The following SNX13 variants were observed in gnomAD, a reference collection of about 807,000 sequenced individuals.
The protein encoded by SNX13 is sorting nexin-13.
Under a neutral mutation model 133.6 loss-of-function variants are expected in SNX13, and 45 were observed. That is an observed-to-expected ratio of 0.34 (90% confidence interval 0.27 to 0.43). SNX13 has a LOEUF of 0.43. Among genes scored for constraint, SNX13 ranks in the 20% least tolerant of loss-of-function variants. The probability of loss-of-function intolerance (pLI) is 1.00; values close to 1 mark genes in which losing one functional copy is unlikely to be tolerated. For synonymous variants in SNX13, 414 were observed against 373.9 expected, an observed-to-expected ratio of 1.11 and a Z score of -1.24; for missense variants, 1,032 against 1,145.1, an observed-to-expected ratio of 0.90 and a Z score of 1.43.
intron 1 of SNX13, among the ~76,000 whole-genome samples, chr7:17,939,551 A>G (rs1490430153): frequency 2.0e-5 from 3 of 152,236 alleles, no homozygotes; most frequent in African/African-American, 4.8e-5. Flanking sequence ...AATGCCCATT[A>G]GGCACTAGAA....
intron 11 of SNX13, among the ~76,000 whole-genome samples, chr7:17,847,345 T>G (rs182718051): frequency 2.0e-4 from 31 of 152,214 alleles, no homozygotes; most frequent in African/African-American, 4.3e-4. Flanking sequence ...TTGTTTGTTT[T>G]TTTGAGACGG....
chr7:17,833,926 T>G, intron 15 of SNX13, 126 bp downstream of exon 15: 1 of 629,012 alleles, frequency 1.6e-6, no homozygotes. Flanking sequence ...ATTTGTAGAT[T>G]TTTTAATATA....
chr7:17,893,510 T>C, intron 2 of SNX13, 76 bp from the exon 3 acceptor site: 2 of 943,894 alleles, frequency 2.1e-6, no homozygotes, highest in East Asian at 5.3e-5. Context: ...CCAAGTATAT[T>C]TTCCAGAGTT....
chr7:17,856,608 T>C (rs1032686516), intron 9 of SNX13, among the ~76,000 whole-genome samples: 2 of 151,640 alleles, frequency 1.3e-5, no homozygotes, highest in African/African-American at 4.8e-5. Context: ...CTGGGCAACA[T>C]AGTAAGACCC....
intron 9 of SNX13, among the ~76,000 whole-genome samples, chr7:17,854,625 G>T (rs1791665214): frequency 6.6e-6 from 1 of 152,118 alleles, no homozygotes; most frequent in Non-Finnish European, 1.5e-5. Flanking sequence ...CTACTATGGT[G>T]ATCAGTGATC....
chr7:17,854,358 T>C (rs1033565840), intron 9 of SNX13, among the ~76,000 whole-genome samples: 1 of 152,190 alleles, frequency 6.6e-6, no homozygotes, highest in African/African-American at 2.4e-5. Context: ...AAAATAATAA[T>C]GGTTATAGGA....
Position 17,870,491 on chromosome 7 carries a change from C to T in SNX13, c.754-2001G>A, listed in dbSNP as rs114211089. Reference sequence around the variant, plus strand: ...ATTCAACCAAAAAGTAATAAAATACCGGCCTAAAAGAGAAATTTATTTTAA... The same window carrying T: ...ATTCAACCAAAAAGTAATAAAATACTGGCCTAAAAGAGAAATTTATTTTAA... On this transcript the variant is annotated intron_variant, in intron 8 of 25. Transcript: ENST00000428135. Among the ~76,000 whole-genome samples, 965 of 152,122 alleles carry T rather than the reference C, an allele frequency of 6.3e-3. 7 individuals are homozygous for T. The highest frequency in any genetic ancestry group is 0.021 in the African/African-American group (855 of 41,502).
chr7:17,872,504 T>C (rs142410625), intron 8 of SNX13, among the ~76,000 whole-genome samples: 1 of 152,304 alleles, frequency 6.6e-6, no homozygotes, highest in East Asian at 1.9e-4. Flanking sequence ...ATCCAGGTAC[T>C]TGCCACCCGT....
chr7:17,894,624 ACTCT>A (rs1206334417), intron 2 of SNX13, among the ~76,000 whole-genome samples: 1 of 152,160 alleles, frequency 6.6e-6, no homozygotes, highest in Non-Finnish European at 1.5e-5. Context: ...GAACTACTTC[ACTCT>A]AAGTATTGAC....
chr7:17,906,773 T>C (rs1173839747), intron 1 of SNX13, among the ~76,000 whole-genome samples: 1 of 152,210 alleles, frequency 6.6e-6, no homozygotes, highest in Non-Finnish European at 1.5e-5. Context: ...AACTCTTTAT[T>C]TCCACAGGGT....
At chr7:17,849,909 G>GT in intron 11 of SNX13, among the ~76,000 whole-genome samples, 1 of 152,152 alleles carries the variant, frequency 6.6e-6, no homozygotes, top group South Asian at 2.1e-4. Flanking sequence ...CTTTATTACT[G>GT]TTTTTTGCAG....
chr7:17,893,291 G>C (rs947668214), intron 3 of SNX13, 41 bp downstream of exon 3: 3 of 1,342,176 alleles, frequency 2.2e-6, no homozygotes, highest in Non-Finnish European at 3.1e-6. Context: ...TCATTGCAAA[G>C]AACTGGACTT....
chr7:17,861,147 C>A (rs1028922811), intron 9 of SNX13, among the ~76,000 whole-genome samples: 2 of 152,062 alleles, frequency 1.3e-5, no homozygotes, highest in African/African-American at 4.8e-5. Context: ...TCTGGAGTAG[C>A]TAGGACCACA....
chr7:17,893,897 G>A (rs1796917808), intron 2 of SNX13, among the ~76,000 whole-genome samples: 2 of 151,350 alleles, frequency 1.3e-5, no homozygotes, highest in African/African-American at 4.9e-5. Context: ...GCTGGAACCT[G>A]GGAGGCAGAG....
chr7:17,836,307 A>G (rs1414536977), intron 13 of SNX13, among the ~76,000 whole-genome samples: 2 of 152,036 alleles, frequency 1.3e-5, no homozygotes, highest in African/African-American at 4.8e-5. Flanking sequence ...ACTCGAGGGC[A>G]TAAGTTCGAG....
chr7:17,803,586 G>C lies in SNX13; in HGVS notation c.2065-6C>G. ...GGATTTACAAAAGTGTCCATCTAAAGGGAAAAAAGATATTATACCATGACT... is the reference window on the plus strand; with the variant it reads ...GGATTTACAAAAGTGTCCATCTAAACGGAAAAAAGATATTATACCATGACT... On this transcript the variant is annotated splice_polypyrimidine_tract_variant and splice_region_variant and intron_variant, in intron 20 of 25. Transcript: ENST00000428135. 1 of 1,595,314 alleles carries C rather than the reference G, an allele frequency of 6.3e-7. No homozygotes were observed. Among genetic ancestry groups the C allele is most frequent in the Non-Finnish European group, 8.5e-7 (1 of 1,171,974 alleles).
At chr7:17,830,298 C>T (rs754275318) in intron 15 of SNX13, 22 of 983,700 alleles carry the variant, frequency 2.2e-5, no homozygotes, top group Admixed American at 6.2e-5. Flanking sequence ...AAAAGGCATT[C>T]GTGTTCAGGA....
intron 5 of SNX13, among the ~76,000 whole-genome samples, chr7:17,884,400 T>C (rs55679314): frequency 0.047 from 7,197 of 152,316 alleles, 224 homozygotes; most frequent in South Asian, 0.1. Flanking sequence ...AGATGACTTT[T>C]TAAAAAGTTA....
chr7:17,818,158 A>G (rs1226217009), intron 18 of SNX13, among the ~76,000 whole-genome samples: 2 of 152,124 alleles, frequency 1.3e-5, no homozygotes, highest in East Asian at 3.9e-4. Flanking sequence ...ACGACAAACC[A>G]AACTTGTCAA....
Sources: allele counts gnomAD v4.1 joint callset (sites outside exome capture counted in the v4.1 genomes callset), GRCh38; gene constraint gnomAD v4.1.1; transcripts MANE v1.5; gene names NCBI Gene and HGNC (gene_info 2026-07-23, HGNC 2026-07-21).